GALNT13: variants seen among roughly 807,000 people sequenced by gnomAD.
GALNT13 encodes UDP-GalNAc:polypeptide N-acetylgalactosaminyltransferase 13.
In GALNT13, 28 loss-of-function variants were observed where a neutral mutation model predicts 64.2. The observed-to-expected ratio is 0.44, with a 90% CI of 0.32 to 0.60. The LOEUF is 0.60. Among genes scored for constraint, GALNT13 ranks in the 20% least tolerant of loss-of-function variants. GALNT13 has a pLI of 0.05. For missense variants in GALNT13, 577 were observed against 669.8 expected, an observed-to-expected ratio of 0.86 and a Z score of 1.53; for synonymous variants, 214 against 224.6, an observed-to-expected ratio of 0.95 and a Z score of 0.42.
the GALNT13 span, among the ~76,000 whole-genome samples, chr2:153,195,578 G>C: frequency 1.3e-5 from 2 of 152,212 alleles, no homozygotes; most frequent in Non-Finnish European, 1.5e-5. Context: ...GAGACACCGG[G>C]AACTGCAGGG....
chr2:153,843,226 A>G, the GALNT13 span, among the ~76,000 whole-genome samples: 3 of 152,352 alleles, frequency 2.0e-5, no homozygotes, highest in Non-Finnish European at 2.9e-5. Flanking sequence ...TTGCTGACAT[A>G]TGCTGGGCTT....
the GALNT13 span, among the ~76,000 whole-genome samples, chr2:153,416,561 G>T: frequency 6.6e-6 from 1 of 152,110 alleles, no homozygotes; most frequent in African/African-American, 2.4e-5. Flanking sequence ...TTCAACTTTT[G>T]TCTATCAAAG....
chr2:154,225,732 A>G (rs1429527675), intron 4 of GALNT13, among the ~76,000 whole-genome samples: 1 of 152,066 alleles, frequency 6.6e-6, no homozygotes, highest in Non-Finnish European at 1.5e-5. Flanking sequence ...GCCCAAAGAT[A>G]CAGGGGAAGT....
chr2:153,398,875 C>T, the GALNT13 span, among the ~76,000 whole-genome samples: 1 of 132,256 alleles, frequency 7.6e-6, no homozygotes, highest in Admixed American at 8.0e-5. Flanking sequence ...TTGTAGGTTG[C>T]CTGTTCACTC....
At chr2:154,287,367 C>A (rs1692330177) in intron 8 of GALNT13, 2 of 537,538 alleles carry the variant, frequency 3.7e-6, no homozygotes, top group Non-Finnish European at 7.0e-6. Context: ...CTCTCATACT[C>A]TGGGAACGTC....
At chr2:153,756,163 A>G in the GALNT13 span, among the ~76,000 whole-genome samples, 1 of 152,130 alleles carries the variant, frequency 6.6e-6, no homozygotes, top group South Asian at 2.1e-4. Context: ...GCATGCAATA[A>G]AAAAGATTGT....
At chr2:153,866,398 A>C in the GALNT13 span, among the ~76,000 whole-genome samples, 23 of 152,344 alleles carry the variant, frequency 1.5e-4, 1 homozygote, top group South Asian at 4.3e-3. Context: ...AAGTTACAAC[A>C]ACCACCTCCC....
chr2:153,196,717 C>T, the GALNT13 span, among the ~76,000 whole-genome samples: 2 of 152,084 alleles, frequency 1.3e-5, no homozygotes, highest in African/African-American at 2.4e-5. Context: ...CCGCACTGCT[C>T]CCCCACTGGT....
At chr2:154,005,411 T>C (rs1014966599) in intron 3 of GALNT13, among the ~76,000 whole-genome samples, 11 of 152,186 alleles carry the variant, frequency 7.2e-5, no homozygotes, top group Non-Finnish European at 1.0e-4. Flanking sequence ...TGATATTTTT[T>C]AAATACCTTA....
At chr2:154,358,717 A>T (rs1243314853) in intron 9 of GALNT13, among the ~76,000 whole-genome samples, 1 of 152,006 alleles carries the variant, frequency 6.6e-6, no homozygotes, top group Non-Finnish European at 1.5e-5. Context: ...AATGCACATG[A>T]TCTTTGAGCA....
At chr2:153,628,014 T>C in the GALNT13 span, among the ~76,000 whole-genome samples, 9 of 152,310 alleles carry the variant, frequency 5.9e-5, no homozygotes, top group Admixed American at 3.3e-4. Context: ...GTTTGTATAC[T>C]CTTATTTCAT....
chr2:153,186,284 GC>G, the GALNT13 span, among the ~76,000 whole-genome samples: 1 of 151,872 alleles, frequency 6.6e-6, no homozygotes, highest in Admixed American at 6.6e-5. Flanking sequence ...TGCAACCCCT[GC>G]TTTTTTTTCC....
chr2:154,045,117 C>G (rs1699210684), intron 3 of GALNT13, among the ~76,000 whole-genome samples: 1 of 152,144 alleles, frequency 6.6e-6, no homozygotes, highest in Non-Finnish European at 1.5e-5. Context: ...AATCATGGAT[C>G]AGTAAGGTGA....
chr2:153,620,566 CA>C, the GALNT13 span, among the ~76,000 whole-genome samples: 1 of 151,954 alleles, frequency 6.6e-6, no homozygotes, highest in African/African-American at 2.4e-5. Flanking sequence ...AGGCATTCTT[CA>C]GTTTGCCAAT....
At chr2:153,213,884 T>C in the GALNT13 span, among the ~76,000 whole-genome samples, 26,084 of 152,112 alleles carry the variant, frequency 0.17, 2,341 homozygotes, top group Non-Finnish European at 0.19. Flanking sequence ...TTAGGAGCAT[T>C]AGTGCTTACA....
the GALNT13 span, among the ~76,000 whole-genome samples, chr2:153,461,275 A>C: frequency 6.6e-6 from 1 of 152,118 alleles, no homozygotes; most frequent in Non-Finnish European, 1.5e-5. Context: ...GAAAGAACTC[A>C]AAAAATGGAG....
At chr2:153,236,725 A>G in the GALNT13 span, among the ~76,000 whole-genome samples, 51,436 of 151,952 alleles carry the variant, frequency 0.34, 8,869 homozygotes, top group Middle Eastern at 0.49. Context: ...CCCAAGAGCT[A>G]TGATGGAGAT....
chr2:153,455,637 C>A, the GALNT13 span, among the ~76,000 whole-genome samples: 2 of 152,146 alleles, frequency 1.3e-5, no homozygotes, highest in Non-Finnish European at 2.9e-5. Context: ...GGGCAGGGTA[C>A]CCACGACTCC....
chr2:154,254,607 A>G (rs968922995), intron 7 of GALNT13, among the ~76,000 whole-genome samples: 3 of 148,292 alleles, frequency 2.0e-5, no homozygotes, highest in Non-Finnish European at 3.0e-5. Flanking sequence ...TATTTTGGAA[A>G]TAATTGAATT....
Sources: gnomAD v4.1 joint callset for allele counts (sites outside exome capture counted in the v4.1 genomes callset) on GRCh38, gnomAD v4.1.1 for gene constraint, MANE v1.5 for transcripts, NCBI Gene and HGNC (gene_info 2026-07-23, HGNC 2026-07-21) for gene names.